Variants in CYP3A43 observed in about 807,000 individuals in gnomAD.
CYP3A43 encodes cytochrome P450 3A43.
In CYP3A43, 45 loss-of-function variants were observed where a neutral mutation model predicts 58.0. The ratio of observed to expected loss-of-function variants is 0.78; its 90% confidence interval spans 0.61 to 0.99. The LOEUF is 0.99. Among genes scored for constraint, CYP3A43 ranks in the 50% least tolerant of loss-of-function variants. The pLI, the probability that CYP3A43 is intolerant of heterozygous loss-of-function variation, is 0.00. For missense variants in CYP3A43, 593 were observed against 591.9 expected, an observed-to-expected ratio of 1.00 and a Z score of -0.02; for synonymous variants, 191 against 201.4, an observed-to-expected ratio of 0.95 and a Z score of 0.44.
intron 2 of CYP3A43, among the ~76,000 whole-genome samples, chr7:99,837,591 C>A (rs192646165): frequency 6.6e-6 from 1 of 152,070 alleles, no homozygotes; most frequent in Admixed American, 6.6e-5. Flanking sequence ...ATAATGAAGA[C>A]AATATGGAGG....
chr7:99,849,194 A>G (rs1403917452), intron 6 of CYP3A43, among the ~76,000 whole-genome samples: 1 of 152,226 alleles, frequency 6.6e-6, no homozygotes, highest in Non-Finnish European at 1.5e-5. Context: ...TAATTATTTT[A>G]TTCTTGTCCT....
rs144067757 is a variant in CYP3A43 at position 99,853,681 on chromosome 7, A to G, written c.671-1910A>G. Among the ~76,000 whole-genome samples, 996 of 152,204 alleles carry G rather than the reference A, an allele frequency of 6.5e-3. 14 individuals carry two copies. The highest frequency in any genetic ancestry group is 0.022 in the African/African-American group (910 of 41,544). On this transcript the variant is annotated intron_variant, in intron 7 of 12. Coordinates refer to ENST00000354829, the MANE Select transcript of CYP3A43 (RefSeq NM_057095.3). The stretch of plus-strand genomic sequence containing the variant: ...AAGCTATTCTCCTGCCTCAGCCTCC[A>G]GAGTAGTTGGGACTACAGGCATGCA...
chr7:99,864,099 T>A (rs1216020691), intron 12 of CYP3A43, among the ~76,000 whole-genome samples: 1 of 148,634 alleles, frequency 6.7e-6, no homozygotes, highest in Non-Finnish European at 1.5e-5. Context: ...AGAAGCTTTC[T>A]CATGACAGTG....
At chr7:99,861,962 C>A in intron 11 of CYP3A43, 123 bp downstream of exon 11, 1 of 810,486 alleles carries the variant, frequency 1.2e-6, no homozygotes, top group Non-Finnish European at 1.9e-6. Context: ...TTTTTTATTA[C>A]AAAATGATAA....
chr7:99,857,527 T>C (rs1484903881), intron 9 of CYP3A43, among the ~76,000 whole-genome samples: 1 of 152,170 alleles, frequency 6.6e-6, no homozygotes, highest in African/African-American at 2.4e-5. Context: ...TAATTGTGAA[T>C]ATTAACAATT....
chr7:99,846,880 G>A (rs756779891), intron 4 of CYP3A43, among the ~76,000 whole-genome samples: 3 of 152,162 alleles, frequency 2.0e-5, no homozygotes, highest in African/African-American at 7.2e-5. Context: ...TAGGCCTGTC[G>A]CAAGTTGGGA....
intron 9 of CYP3A43, among the ~76,000 whole-genome samples, chr7:99,858,960 G>A (rs1288795220): frequency 6.6e-6 from 1 of 152,040 alleles, no homozygotes. Context: ...GCCTCCCAAA[G>A]TGCTGGGATT....
Position 99,865,979 on chromosome 7 carries a change from A to G in CYP3A43, c.1490A>G (p.Asp497Gly), listed in dbSNP as rs1818433363. ...KPIVLKVHLRDGITSGP is the reference protein window; with the variant it reads ...KPIVLKVHLRGGITSGP ...ATTGTTCTAAAAGTGCACTTAAGAGATGGGATTACAAGTGGACCCTGACTT... is the reference window on the plus strand; with the variant it reads ...ATTGTTCTAAAAGTGCACTTAAGAGGTGGGATTACAAGTGGACCCTGACTT... The change falls in exon 13 of 13, where the codon GAT becomes GGT. Residue 497 changes from aspartate (D) to glycine (G), a missense_variant. Physicochemically the swap from Asp to Gly is moderately conservative, Grantham distance 94. Transcript: ENST00000354829. 2 of 1,605,920 alleles carry G rather than the reference A, an allele frequency of 1.2e-6. No homozygotes were observed. Among genetic ancestry groups the G allele is most frequent in the South Asian group, 1.1e-5 (1 of 88,890 alleles).
At chr7:99,849,501 G>A (rs746635442) in intron 6 of CYP3A43, 45 bp from the exon 7 acceptor site, 11 of 1,563,330 alleles carry the variant, frequency 7.0e-6, no homozygotes, top group Non-Finnish European at 9.5e-6. Context: ...CAGAAGGAAG[G>A]TAAAGAGGTG....
intron 8 of CYP3A43, among the ~76,000 whole-genome samples, chr7:99,856,337 T>G (rs908718799): frequency 6.6e-6 from 1 of 152,188 alleles, no homozygotes; most frequent in African/African-American, 2.4e-5. Context: ...AATGCAGGAC[T>G]GGGTCCCCTA....
At chr7:99,836,138 A>G (rs1478190748) in intron 1 of CYP3A43, among the ~76,000 whole-genome samples, 1 of 152,172 alleles carries the variant, frequency 6.6e-6, no homozygotes, top group African/African-American at 2.4e-5. Context: ...GGTCAGAATA[A>G]GGCAGGAAGC....
At chr7:99,833,554 T>G (rs73393660) in intron 1 of CYP3A43, among the ~76,000 whole-genome samples, 7,696 of 152,280 alleles carry the variant, frequency 0.051, 269 homozygotes, top group African/African-American at 0.097. Flanking sequence ...AAACAGGCAG[T>G]TAGTTTTTAA....
chr7:99,838,020 C>T (rs1412426474), intron 2 of CYP3A43, among the ~76,000 whole-genome samples: 1 of 152,232 alleles, frequency 6.6e-6, no homozygotes, highest in Middle Eastern at 3.2e-3. Flanking sequence ...ATAATTTTCT[C>T]TTCATATTTC....
At chr7:99,858,658 CTG>C (rs1818091513) in intron 9 of CYP3A43, among the ~76,000 whole-genome samples, 2 of 138,410 alleles carry the variant, frequency 1.4e-5, no homozygotes, top group Non-Finnish European at 3.1e-5. Context: ...ATTCTTCCTG[CTG>C]TATTATTATT....
At chr7:99,861,985 A>T in intron 11 of CYP3A43, 146 bp downstream of exon 11, 1 of 683,824 alleles carries the variant, frequency 1.5e-6, no homozygotes, top group Non-Finnish European at 2.4e-6. Flanking sequence ...GTTAAACTTT[A>T]CAAACCATAG....
chr7:99,841,386 A>C (rs568467416), intron 3 of CYP3A43, among the ~76,000 whole-genome samples: 1 of 152,208 alleles, frequency 6.6e-6, no homozygotes, highest in Non-Finnish European at 1.5e-5. Context: ...GCAACTCAAA[A>C]TATATTTCTT....
chr7:99,858,596 T>A (rs73401858), intron 9 of CYP3A43, among the ~76,000 whole-genome samples: 9,659 of 152,000 alleles, frequency 0.064, 971 homozygotes, highest in African/African-American at 0.21. Flanking sequence ...TTCCACTCAC[T>A]AGACCCTATT....
At chr7:99,839,485 T>C in intron 3 of CYP3A43, 1 of 549,280 alleles carries the variant, frequency 1.8e-6, no homozygotes, top group African/African-American at 1.9e-5. Context: ...CTTCCTTTTT[T>C]CCCCAGACAG....
Position 99,861,634 on chromosome 7 carries a change from C to G in CYP3A43, c.1048C>G (p.Leu350Val). Residue 350 changes from leucine to valine, a missense_variant, in exon 11 of 13, where the codon CTG (leucine) becomes GTG (valine). By Grantham distance (32) the Leu-to-Val change is conservative. Transcript: ENST00000354829. ...PNKAPVTYDA[L>V]VQMEYLDMVV... ...CCAGGCACCTGTCACCTACGATGCCCTGGTACAGATGGAGTACCTTGACAT... is the reference window on the plus strand; with the variant it reads ...CCAGGCACCTGTCACCTACGATGCCGTGGTACAGATGGAGTACCTTGACAT... 1 of 1,614,120 alleles carries G rather than the reference C, an allele frequency of 6.2e-7. No individual in the cohort carries two copies. The highest frequency in any genetic ancestry group is 8.5e-7 in the Non-Finnish European group (1 of 1,180,010).
Sources: allele counts gnomAD v4.1 joint callset (sites outside exome capture counted in the v4.1 genomes callset), GRCh38; gene constraint gnomAD v4.1.1; transcripts MANE v1.5; gene names NCBI Gene and HGNC (gene_info 2026-07-23, HGNC 2026-07-21).